Variants in RABIF observed in about 807,000 individuals in gnomAD.
RABIF encodes guanine nucleotide exchange factor MSS4.
A neutral mutation model predicts 12.3 loss-of-function variants in RABIF; 13 were observed. The observed-to-expected ratio is 1.06, with a 90% CI of 0.69 to 1.68. The LOEUF (loss-of-function observed/expected upper bound fraction) is 1.68, where lower values mean the gene tolerates loss of function less well. Among genes scored for constraint, RABIF ranks in the 40% most tolerant of loss-of-function variants. The probability of loss-of-function intolerance (pLI) is 0.00; values close to 1 mark genes in which losing one functional copy is unlikely to be tolerated. For synonymous variants in RABIF, 70 were observed against 63.3 expected (o/e 1.11, Z -0.50); for missense variants, 153 against 158.0 (o/e 0.97, Z 0.17).
chr1:202,885,575 C>T (rs1306771016), intron 1 of RABIF, among the ~76,000 whole-genome samples: 9 of 152,240 alleles, frequency 5.9e-5, no homozygotes, highest in Non-Finnish European at 2.9e-5. Flanking sequence ...AGAGCTACCC[C>T]GAACCTTTAC....
chr1:202,887,075 A>G (rs1405999620), intron 1 of RABIF, among the ~76,000 whole-genome samples: 1 of 151,430 alleles, frequency 6.6e-6, no homozygotes, highest in East Asian at 1.9e-4. Context: ...GAATTTTAAA[A>G]CAAACTATAA....
chr1:202,885,988 T>A (rs1274058443), intron 1 of RABIF, among the ~76,000 whole-genome samples: 2 of 151,490 alleles, frequency 1.3e-5, no homozygotes, highest in African/African-American at 4.8e-5. Flanking sequence ...CCCACCTTTT[T>A]GCCTTTTTAA....
In RABIF at chr1:202,880,769, G is replaced by A; in HGVS notation, c.*209C>T. On this transcript the variant is annotated 3_prime_UTR_variant, in exon 2 of 2. Coordinates refer to ENST00000367262, the MANE Select transcript of RABIF (RefSeq NM_002871.5). ...TGGGGGAAAAGGGAGCTTAGGAAAT[G>A]TGATACAAAGTGAACTAAGCAGGAG... 2.3e-6 allele frequency: 3 copies of A among 1,323,804 alleles called. No homozygotes were observed. Among genetic ancestry groups the A allele is most frequent in the South Asian group, 4.4e-5 (2 of 45,262 alleles). 82.0% of individuals were successfully genotyped at this position (1,323,804 alleles called of 1,614,324 possible). A position where few individuals can be genotyped will look rare whatever the true frequency, so the allele number is the denominator to read the frequency against.
chr1:202,883,301 G>A (rs1165729226), intron 1 of RABIF, among the ~76,000 whole-genome samples: 3 of 152,116 alleles, frequency 2.0e-5, no homozygotes, highest in Non-Finnish European at 4.4e-5. Flanking sequence ...CAAGTAACTG[G>A]GGTTACAGTA....
At chr1:202,887,252 C>T (rs1015702860) in intron 1 of RABIF, among the ~76,000 whole-genome samples, 5 of 152,148 alleles carry the variant, frequency 3.3e-5, no homozygotes, top group African/African-American at 1.2e-4. Context: ...ATTTTACAAG[C>T]TTGTCCAACC....
At chr1:202,888,888 T>G in intron 1 of RABIF, 85 bp downstream of exon 1, 1 of 1,421,752 alleles carries the variant, frequency 7.0e-7, no homozygotes, top group South Asian at 1.5e-5. Context: ...TTGCCGGAAA[T>G]TGAAGAGCCG....
In RABIF at chr1:202,878,640, G is replaced by C. The variant is rs1659444178; in HGVS notation, c.*2338C>G. ...TGCCCATCTTTGATTCCATGTTTTT[G>C]TAAAACAACAGACAATTATGTGGAA... On this transcript the variant is annotated 3_prime_UTR_variant, in exon 2 of 2. Coordinates refer to ENST00000367262, the MANE Select transcript of RABIF (RefSeq NM_002871.5). 6.6e-6 allele frequency among the ~76,000 whole-genome samples: 1 copy of C among 152,126 alleles called. No homozygotes were observed. The highest frequency in any genetic ancestry group is 6.5e-5 in the Admixed American group (1 of 15,286).
rs2102394113 is a variant in RABIF, at chr1:202,878,653, C to G, written c.*2325G>C. 6.6e-6 allele frequency among the ~76,000 whole-genome samples: 1 copy of G among 152,312 alleles called. No homozygotes were observed. Among genetic ancestry groups the G allele is most frequent in the South Asian group, 2.1e-4 (1 of 4,828 alleles). ...TTCCATGTTTTTGTAAAACAACAGA[C>G]AATTATGTGGAAACAATCAGGCTTT... On this transcript the variant is annotated 3_prime_UTR_variant, in exon 2 of 2. Coordinates refer to ENST00000367262, the MANE Select transcript of RABIF (RefSeq NM_002871.5).
rs201905197 is a variant in RABIF at position 202,888,229 on chromosome 1, A to AT, written c.126+743dup. 4.5e-3 allele frequency among the ~76,000 whole-genome samples: 683 copies of AT among 151,922 alleles called. 9 individuals are homozygous for AT. Among genetic ancestry groups the AT allele is most frequent in the African/African-American group, 0.016 (647 of 41,410 alleles). On this transcript the variant is annotated intron_variant, in intron 1 of 1. Coordinates refer to ENST00000367262, the MANE Select transcript of RABIF (RefSeq NM_002871.5). ...ACTTCAACACAGTTTACCGAAATAA[A>AT]TTTTTTTTTCAACTTTCTCACTTGC...
chr1:202,887,568 G>A (rs1659582160), intron 1 of RABIF, among the ~76,000 whole-genome samples: 3 of 148,952 alleles, frequency 2.0e-5, no homozygotes, highest in South Asian at 2.1e-4. Context: ...CTCAATCTCC[G>A]CTCACTACAA....
chr1:202,881,969 G>A (rs1402948585), intron 1 of RABIF, among the ~76,000 whole-genome samples: 1 of 152,188 alleles, frequency 6.6e-6, no homozygotes, highest in Non-Finnish European at 1.5e-5. Flanking sequence ...ACTGCCCACT[G>A]TATTTTGTTT....
rs113531957 is a variant in RABIF at position 202,885,086 on chromosome 1, CAAAAAAA to C, written c.127-3870_127-3864del. On this transcript the variant is annotated intron_variant, in intron 1 of 1. Transcript: ENST00000367262. The stretch of plus-strand genomic sequence containing the variant: ...TGGGCAACAGAGTGAGACTCTATCT[CAAAAAAA>C]AAAAAAAAAAAAAAAAAAAAGAAAA... 6.9e-3 allele frequency among the ~76,000 whole-genome samples: 827 copies of C among 120,502 alleles called. 4 individuals carry two copies. The highest frequency in any genetic ancestry group is 0.015 in the African/African-American group (422 of 28,808). The allele number at this position is 120,502 out of a possible 152,430, so 79.1% of individuals were successfully genotyped here.
chr1:202,885,410 G>A (rs1360466347), intron 1 of RABIF, among the ~76,000 whole-genome samples: 1 of 152,218 alleles, frequency 6.6e-6, no homozygotes, highest in Non-Finnish European at 1.5e-5. Flanking sequence ...GAGCGAGAGA[G>A]AAAGCTGTAG....
chr1:202,884,734 C>T (rs954219981), intron 1 of RABIF, among the ~76,000 whole-genome samples: 1 of 152,062 alleles, frequency 6.6e-6, no homozygotes, highest in Non-Finnish European at 1.5e-5. Context: ...CATCAGAGAC[C>T]CCCAGTGAGA....
In RABIF at chr1:202,885,133, C is replaced by T. The variant is rs564493736; in HGVS notation, c.126+3840G>A. Among the ~76,000 whole-genome samples the T allele has an allele frequency of 3.9e-4, 59 of 150,170 alleles. 1 individual carries two copies. The East Asian group carries it at 6.9e-3, about 18-fold the overall frequency. Reference sequence around the variant, plus strand: ...AAAAAAGAAAAGAAAGAAAAAGATGCTTAACAGCAACCCTGGCTTCTACCC... The same window carrying T: ...AAAAAAGAAAAGAAAGAAAAAGATGTTTAACAGCAACCCTGGCTTCTACCC... On this transcript the variant is annotated intron_variant, in intron 1 of 1. Transcript: ENST00000367262.
intron 1 of RABIF, among the ~76,000 whole-genome samples, chr1:202,881,560 C>A (rs2102395552): frequency 6.6e-6 from 1 of 152,266 alleles, no homozygotes; most frequent in South Asian, 2.1e-4. Flanking sequence ...CGCCACCACG[C>A]CTGGCTAATT....
rs1659452239 is a variant in RABIF at position 202,879,160 on chromosome 1, C to G, written c.*1818G>C. 6.6e-6 allele frequency: 1 copy of G among 152,048 alleles called. No homozygotes were observed. The highest frequency in any genetic ancestry group is 1.9e-4 in the East Asian group (1 of 5,188). 9.4% of individuals were successfully genotyped at this position (152,048 alleles called of 1,614,324 possible). On this transcript the variant is annotated 3_prime_UTR_variant, in exon 2 of 2. Transcript: ENST00000367262. ...ATACTATGGTTTCCTATTCAAGTCG[C>G]TATATATTTTTTTGTTGTTACTGTT...
rs766571345 is a variant in RABIF at position 202,889,078 on chromosome 1, CGGCTGCTCCGCT to C, written c.9_20del (p.Ala4_Pro7del). 9.9e-5 allele frequency: 160 copies of C among 1,608,968 alleles called. No homozygotes were observed. In the East Asian group the frequency reaches 2.4e-3, roughly 24 times the overall value. On this transcript the variant is annotated inframe_deletion, in exon 1 of 2. Coordinates refer to ENST00000367262, the MANE Select transcript of RABIF (RefSeq NM_002871.5). ...GGCCCTCGGCTGACACTAACTCGCT[CGGCTGCTCCGCT>C]GGTTCCATCGCCGCTGCCGCCACAG...
At chr1:202,884,178 G>A (rs1404356807) in intron 1 of RABIF, among the ~76,000 whole-genome samples, 1 of 152,162 alleles carries the variant, frequency 6.6e-6, no homozygotes, top group Non-Finnish European at 1.5e-5. Flanking sequence ...ACAACTCAGT[G>A]AGACTCTGCT....
Sources: allele counts gnomAD v4.1 joint callset (sites outside exome capture counted in the v4.1 genomes callset), GRCh38; gene constraint gnomAD v4.1.1; transcripts MANE v1.5; gene names NCBI Gene and HGNC (gene_info 2026-07-23, HGNC 2026-07-21).